AGBL4: variants seen among roughly 807,000 people sequenced by gnomAD.
AGBL4 encodes the protein AGBL carboxypeptidase 4.
A neutral mutation model predicts 66.4 loss-of-function variants in AGBL4; 58 were observed. The observed-to-expected ratio is 0.87, with a 90% confidence interval of 0.71 to 1.09. AGBL4 has a LOEUF of 1.09. Among genes scored for constraint, AGBL4 ranks in the 50% least tolerant of loss-of-function variants. The pLI is 0.00. For synonymous variants in AGBL4, 234 were observed against 222.9 expected, an observed-to-expected ratio of 1.05 and a Z score of -0.44; for missense variants, 579 against 631.0, an observed-to-expected ratio of 0.92 and a Z score of 0.88.
intron 3 of AGBL4, among the ~76,000 whole-genome samples, chr1:49,285,520 C>T (rs1239156150): frequency 2.0e-5 from 3 of 152,042 alleles, no homozygotes; most frequent in Non-Finnish European, 4.4e-5. Flanking sequence ...TAACTAAAAT[C>T]AGCGTAGAAC....
At chr1:48,796,842 A>T (rs1458628475) in intron 6 of AGBL4, among the ~76,000 whole-genome samples, 1 of 152,232 alleles carries the variant, frequency 6.6e-6, no homozygotes, top group Admixed American at 6.5e-5. Context: ...CAAGGCACAG[A>T]TCTTAACACC....
chr1:48,959,420 T>C (rs1334241744), intron 5 of AGBL4, among the ~76,000 whole-genome samples: 2 of 152,186 alleles, frequency 1.3e-5, no homozygotes, highest in Non-Finnish European at 2.9e-5. Context: ...TGCTGGGCAT[T>C]GTTTGGGGCA....
chr1:49,214,012 A>G (rs1231316447), intron 4 of AGBL4, among the ~76,000 whole-genome samples: 1 of 152,126 alleles, frequency 6.6e-6, no homozygotes, highest in Non-Finnish European at 1.5e-5. Context: ...TAAAATTTAA[A>G]TCAGTTTAGC....
chr1:49,191,314 G>A (rs905451389), intron 4 of AGBL4, among the ~76,000 whole-genome samples: 2 of 152,154 alleles, frequency 1.3e-5, no homozygotes, highest in African/African-American at 4.8e-5. Context: ...ATATCACCTA[G>A]CACAAGATGC....
At chr1:49,759,858 T>C (rs1652172794) in intron 2 of AGBL4, among the ~76,000 whole-genome samples, 2 of 152,176 alleles carry the variant, frequency 1.3e-5, no homozygotes, top group Non-Finnish European at 2.9e-5. Flanking sequence ...AAGCCAGGTA[T>C]AAAATTCTCA....
intron 2 of AGBL4, among the ~76,000 whole-genome samples, chr1:49,799,968 G>A (rs1216897829): frequency 6.6e-6 from 1 of 152,092 alleles, no homozygotes; most frequent in East Asian, 1.9e-4. Context: ...AGGGAGGGTA[G>A]GAGTAGAGAG....
chr1:48,757,304 C>T (rs1476263894), intron 6 of AGBL4, among the ~76,000 whole-genome samples: 1 of 152,218 alleles, frequency 6.6e-6, no homozygotes, highest in Non-Finnish European at 1.5e-5. Flanking sequence ...TCCCCCATCA[C>T]CACTACAAGA....
chr1:49,591,576 A>G (rs537321512), intron 3 of AGBL4, among the ~76,000 whole-genome samples: 1 of 152,276 alleles, frequency 6.6e-6, no homozygotes, highest in African/African-American at 2.4e-5. Flanking sequence ...TCACAGAACA[A>G]GAAAAAACTA....
intron 4 of AGBL4, among the ~76,000 whole-genome samples, chr1:49,222,683 CA>C (rs1293716558): frequency 6.6e-6 from 1 of 152,092 alleles, no homozygotes; most frequent in Non-Finnish European, 1.5e-5. Flanking sequence ...CAAAATCATC[CA>C]AAACAATCTT....
chr1:49,584,540 AT>A (rs1644610470), intron 3 of AGBL4, among the ~76,000 whole-genome samples: 1 of 151,992 alleles, frequency 6.6e-6, no homozygotes, highest in African/African-American at 2.4e-5. Flanking sequence ...AATGACCATA[AT>A]TTTTCTTTTT....
chr1:49,568,550 T>A (rs1382616383), intron 3 of AGBL4, among the ~76,000 whole-genome samples: 4 of 140,460 alleles, frequency 2.8e-5, no homozygotes, highest in African/African-American at 1.1e-4. Context: ...AAAGGAAGAA[T>A]CAATATTGTT....
At chr1:49,346,145 T>C (rs1289691360) in intron 3 of AGBL4, among the ~76,000 whole-genome samples, 1 of 152,224 alleles carries the variant, frequency 6.6e-6, no homozygotes, top group Non-Finnish European at 1.5e-5. Context: ...GGTCATATCA[T>C]GATTTGTCTG....
intron 5 of AGBL4, among the ~76,000 whole-genome samples, chr1:48,996,097 A>G (rs1660974627): frequency 6.6e-6 from 1 of 151,642 alleles, no homozygotes; most frequent in African/African-American, 2.4e-5. Flanking sequence ...TGAGGGAAAG[A>G]AAAAAAAATA....
intron 2 of AGBL4, among the ~76,000 whole-genome samples, chr1:49,746,463 T>C (rs558068269): frequency 6.6e-6 from 1 of 152,206 alleles, no homozygotes; most frequent in East Asian, 1.9e-4. Context: ...ACACTTATTG[T>C]AGATCTGAAC....
chr1:49,281,627 A>T (rs1390671023), intron 3 of AGBL4, among the ~76,000 whole-genome samples: 1 of 152,250 alleles, frequency 6.6e-6, no homozygotes, highest in African/African-American at 2.4e-5. Context: ...GTGATTTATA[A>T]TAAATACATA....
At chr1:48,906,649 C>A (rs1028321623) in intron 5 of AGBL4, among the ~76,000 whole-genome samples, 40 of 151,912 alleles carry the variant, frequency 2.6e-4, no homozygotes, top group African/African-American at 8.0e-4. Context: ...ACATTGTATG[C>A]AGATGGAGCG....
At chr1:49,882,203 T>C (rs1394013911) in intron 1 of AGBL4, among the ~76,000 whole-genome samples, 1 of 150,668 alleles carries the variant, frequency 6.6e-6, no homozygotes, top group Admixed American at 6.6e-5. Context: ...GTTGTAGATA[T>C]GCGGCATTAT....
intron 6 of AGBL4, among the ~76,000 whole-genome samples, chr1:48,832,803 G>GA (rs1199245319): frequency 2.6e-5 from 4 of 152,186 alleles, no homozygotes; most frequent in Non-Finnish European, 4.4e-5. Flanking sequence ...CAGAGAAAGG[G>GA]AAAATTTGCT....
At chr1:49,058,368 G>A (rs1644343392) in intron 4 of AGBL4, among the ~76,000 whole-genome samples, 1 of 152,154 alleles carries the variant, frequency 6.6e-6, no homozygotes, top group South Asian at 2.1e-4. Context: ...CACAAGATCT[G>A]ATGGTTTTAT....
Sources: allele counts gnomAD v4.1 joint callset (sites outside exome capture counted in the v4.1 genomes callset), GRCh38; gene constraint gnomAD v4.1.1; transcripts MANE v1.5; gene names NCBI Gene and HGNC (gene_info 2026-07-23, HGNC 2026-07-21).